Variants in C12orf42 observed in about 807,000 individuals in gnomAD.
C12orf42 encodes the protein uncharacterized protein C12orf42.
Under a neutral mutation model 21.6 loss-of-function variants are expected in C12orf42, and 25 were observed. That is an observed-to-expected ratio of 1.16 (90% CI 0.84 to 1.62). The LOEUF (loss-of-function observed/expected upper bound fraction) is 1.62. Among genes scored for constraint, C12orf42 ranks in the 40% most tolerant of loss-of-function variants. The pLI is 0.00. For synonymous variants in C12orf42, 174 were observed against 175.0 expected (o/e 0.99, Z 0.05); for missense variants, 483 against 459.3 (o/e 1.05, Z -0.47).
intron 4 of C12orf42, among the ~76,000 whole-genome samples, chr12:103,286,234 G>A (rs1028558200): frequency 2.0e-5 from 3 of 151,122 alleles, no homozygotes; most frequent in Non-Finnish European, 4.4e-5. Context: ...CTGAGTGACA[G>A]AGCAAGACTC....
At chr12:103,157,810 G>A in the C12orf42 span, among the ~76,000 whole-genome samples, 1 of 152,000 alleles carries the variant, frequency 6.6e-6, no homozygotes, top group African/African-American at 2.4e-5. Context: ...AGGTCTCTGA[G>A]AAATATTACA....
chr12:103,112,386 G>A, the C12orf42 span, among the ~76,000 whole-genome samples: 7 of 152,264 alleles, frequency 4.6e-5, no homozygotes, highest in South Asian at 4.1e-4. Flanking sequence ...GTGGCCAGGC[G>A]TGGTGGCTTA....
chr12:103,421,766 G>A (rs1337420280), intron 2 of C12orf42, among the ~76,000 whole-genome samples: 1 of 152,096 alleles, frequency 6.6e-6, no homozygotes, highest in South Asian at 2.1e-4. Context: ...TAGGAACTGA[G>A]GAATAAAGAT....
chr12:103,064,849 T>G, the C12orf42 span, among the ~76,000 whole-genome samples: 1 of 152,204 alleles, frequency 6.6e-6, no homozygotes, highest in African/African-American at 2.4e-5. Flanking sequence ...CCAGTTAAAC[T>G]AGGGGCTTAT....
At chr12:103,074,339 A>G in the C12orf42 span, among the ~76,000 whole-genome samples, 1 of 152,192 alleles carries the variant, frequency 6.6e-6, no homozygotes, top group Non-Finnish European at 1.5e-5. Flanking sequence ...AGCTTAATTG[A>G]ACATAGGTCT....
intron 4 of C12orf42, among the ~76,000 whole-genome samples, chr12:103,344,761 A>G (rs1279214123): frequency 6.6e-6 from 1 of 152,224 alleles, no homozygotes; most frequent in Non-Finnish European, 1.5e-5. Context: ...GAGCAGAGAC[A>G]GCTAGTCTAC....
chr12:103,194,082 A>C, the C12orf42 span, among the ~76,000 whole-genome samples: 54 of 152,262 alleles, frequency 3.5e-4, no homozygotes, highest in Middle Eastern at 3.4e-3. Context: ...TCATATTATC[A>C]TCTCAATAGA....
chr12:103,294,426 G>A (rs1405383206), intron 4 of C12orf42, among the ~76,000 whole-genome samples: 1 of 86,756 alleles, frequency 1.2e-5, no homozygotes, highest in Admixed American at 1.2e-4. Flanking sequence ...AGAAAGGAGA[G>A]AGAGAAAGAA....
At chr12:103,549,298 A>C in the C12orf42 span, among the ~76,000 whole-genome samples, 1 of 152,118 alleles carries the variant, frequency 6.6e-6, no homozygotes, top group Non-Finnish European at 1.5e-5. Flanking sequence ...GATACATTAG[A>C]AGTTTTATTT....
chr12:103,152,659 A>T, the C12orf42 span, among the ~76,000 whole-genome samples: 1 of 152,206 alleles, frequency 6.6e-6, no homozygotes, highest in Non-Finnish European at 1.5e-5. Context: ...TCCAATGTCA[A>T]TAAACGACAA....
chr12:103,261,882 T>G (rs1444456589), intron 10 of C12orf42, among the ~76,000 whole-genome samples: 2 of 152,170 alleles, frequency 1.3e-5, no homozygotes, highest in East Asian at 3.8e-4. Flanking sequence ...TGAAGAAATT[T>G]TGCTAGGGTT....
chr12:103,195,857 G>A, the C12orf42 span, among the ~76,000 whole-genome samples: 4 of 152,038 alleles, frequency 2.6e-5, no homozygotes, highest in Non-Finnish European at 2.9e-5. Flanking sequence ...TGAAATCTTT[G>A]CCAGAGCCTA....
the C12orf42 span, among the ~76,000 whole-genome samples, chr12:103,544,173 G>A: frequency 1.6e-4 from 24 of 152,026 alleles, no homozygotes; most frequent in African/African-American, 4.6e-4. Context: ...GTGAGCCACC[G>A]TGCCCGGCCT....
At chr12:103,422,631 C>T (rs2050006978) in intron 2 of C12orf42, among the ~76,000 whole-genome samples, 1 of 151,992 alleles carries the variant, frequency 6.6e-6, no homozygotes, top group Admixed American at 6.6e-5. Flanking sequence ...TCTAAGAAAC[C>T]TGTAGAATGG....
chr12:103,140,563 A>G, the C12orf42 span, among the ~76,000 whole-genome samples: 2 of 152,154 alleles, frequency 1.3e-5, no homozygotes, highest in Non-Finnish European at 2.9e-5. Context: ...CTGTTACATA[A>G]TAGTCAACAA....
chr12:103,420,859 G>A (rs904556171), intron 2 of C12orf42, among the ~76,000 whole-genome samples: 6 of 152,122 alleles, frequency 3.9e-5, no homozygotes, highest in African/African-American at 1.2e-4. Context: ...AGATTGACAC[G>A]ACCATTGGAT....
the C12orf42 span, among the ~76,000 whole-genome samples, chr12:103,089,392 G>A: frequency 1.3e-5 from 2 of 152,198 alleles, no homozygotes; most frequent in Non-Finnish European, 2.9e-5. Context: ...GAATGGCACT[G>A]AGTGACACAG....
the C12orf42 span, among the ~76,000 whole-genome samples, chr12:103,050,849 T>C: frequency 6.6e-6 from 1 of 152,210 alleles, no homozygotes; most frequent in Non-Finnish European, 1.5e-5. Flanking sequence ...AATTAATTTA[T>C]GTGAATTTTT....
chr12:103,303,297 T>C (rs2037924994), intron 5 of C12orf42, among the ~76,000 whole-genome samples: 1 of 151,918 alleles, frequency 6.6e-6, no homozygotes, highest in Admixed American at 6.6e-5. Flanking sequence ...CATATGTATA[T>C]ATAAACTTCC....
Sources: gnomAD v4.1 joint callset for allele counts (sites outside exome capture counted in the v4.1 genomes callset) on GRCh38, gnomAD v4.1.1 for gene constraint, MANE v1.5 for transcripts, NCBI Gene and HGNC (gene_info 2026-07-23, HGNC 2026-07-21) for gene names.